Variants in ZDHHC11B observed in about 807,000 individuals in gnomAD.
ZDHHC11B encodes the protein probable palmitoyltransferase ZDHHC11B.
ZDHHC11B carries 17 observed loss-of-function variants against 42.3 expected under a neutral mutation model. The observed-to-expected ratio is 0.40, with a 90% CI of 0.27 to 0.60. ZDHHC11B has a LOEUF of 0.60. ZDHHC11B is among the 20% of genes least tolerant of loss of function. ZDHHC11B has a pLI of 0.41. For synonymous variants in ZDHHC11B, 123 were observed against 193.5 expected, an observed-to-expected ratio of 0.64 and a Z score of 3.02; for missense variants, 262 against 463.2, an observed-to-expected ratio of 0.57 and a Z score of 3.99.
At chr5:774,543 C>T (rs1446478466) in intron 1 of ZDHHC11B, among the ~76,000 whole-genome samples, 5 of 152,192 alleles carry the variant, frequency 3.3e-5, no homozygotes, top group Admixed American at 2.6e-4. Flanking sequence ...GGGGTCTGCC[C>T]CTTGAGCCTG....
At position 733,839 on chromosome 5, in the gene ZDHHC11B, T is replaced by C. The variant is rs1743277160; in HGVS notation, c.936A>G (p.Gly312=). 6.2e-7 allele frequency: 1 copy of C among 1,606,174 alleles called. No homozygotes were observed. The highest frequency in any genetic ancestry group is 8.5e-7 in the Non-Finnish European group (1 of 1,177,786). ...GAGALGSSAQ[G]VKAKSSLLIY... Reference sequence around the variant, plus strand: ...TCAGCAGGGAGCTCTTGGCCTTGACTCTGGTGGGACAGGAAGGAGGAGAGA... The same window carrying C: ...TCAGCAGGGAGCTCTTGGCCTTGACCCTGGTGGGACAGGAAGGAGGAGAGA... Residue 312 remains glycine (G), a splice_region_variant and synonymous_variant, in exon 11 of 14, where the codon GGA becomes GGG. Coordinates refer to ENST00000508859, the MANE Select transcript of ZDHHC11B (RefSeq NM_001351303.2).
intron 1 of ZDHHC11B, among the ~76,000 whole-genome samples, chr5:775,969 G>C (rs1470430533): frequency 7.0e-6 from 1 of 143,210 alleles, no homozygotes; most frequent in Non-Finnish European, 1.5e-5. Context: ...AGGAACCCCT[G>C]GGGGTCCCTG....
chr5:776,445 C>T (rs770632009), intron 1 of ZDHHC11B, among the ~76,000 whole-genome samples: 1 of 151,878 alleles, frequency 6.6e-6, no homozygotes, highest in African/African-American at 2.4e-5. Context: ...AATGGCACAG[C>T]CCCAAGGGAG....
At chr5:754,646 C>T (rs1386416160) in intron 6 of ZDHHC11B, among the ~76,000 whole-genome samples, 2 of 123,306 alleles carry the variant, frequency 1.6e-5, no homozygotes, top group African/African-American at 5.4e-5. Flanking sequence ...ACTGCCCTTC[C>T]GTGGCCCCAC....
chr5:750,429 C>T (rs2335287), intron 7 of ZDHHC11B, among the ~76,000 whole-genome samples: 1 of 138,690 alleles, frequency 7.2e-6, no homozygotes, highest in African/African-American at 2.6e-5. Context: ...TCACGAGGCC[C>T]CCTCCCCTCT....
Position 710,613 on chromosome 5 carries a change from AGTACTGGGCTCCCATTTCC to A in ZDHHC11B, c.*1658_*1676del. On this transcript the variant is annotated 3_prime_UTR_variant, in exon 14 of 14. Coordinates refer to ENST00000508859, the MANE Select transcript of ZDHHC11B (RefSeq NM_001351303.2). Reference sequence around the variant, plus strand: ...ACAGTACTGTGTGCTCCCATTTCTCAGTACTGGGCTCCCATTTCCCAGTACTGTGCTCCCATTTCTCAGT... The same window carrying A: ...ACAGTACTGTGTGCTCCCATTTCTCACAGTACTGTGCTCCCATTTCTCAGT... The A allele has an allele frequency of 6.5e-6, 1 of 154,308 alleles. No individual in the cohort carries two copies. Among genetic ancestry groups the A allele is most frequent in the East Asian group, 1.9e-4 (1 of 5,240 alleles). 9.6% of individuals were successfully genotyped at this position (154,308 alleles called of 1,614,324 possible).
At chr5:713,806 T>A (rs113433559) in intron 13 of ZDHHC11B, among the ~76,000 whole-genome samples, 63 of 151,176 alleles carry the variant, frequency 4.2e-4, no homozygotes, top group Non-Finnish European at 7.1e-4. Context: ...GTGAGTTGCT[T>A]CTAGTTTGCC....
chr5:719,801 T>G (rs1176179670), intron 12 of ZDHHC11B, among the ~76,000 whole-genome samples: 3 of 151,708 alleles, frequency 2.0e-5, no homozygotes, highest in Non-Finnish European at 4.4e-5. Flanking sequence ...GCACTTTCAG[T>G]TACCTCTGGG....
intron 12 of ZDHHC11B, among the ~76,000 whole-genome samples, chr5:729,207 G>A (rs1366388): frequency 0.22 from 32,150 of 147,092 alleles, 2,728 homozygotes; most frequent in Middle Eastern, 0.31. Flanking sequence ...TTCCCAGCAC[G>A]AGCAGCCTCC....
rs1159521845 is a variant in ZDHHC11B at position 745,283 on chromosome 5, G to C, written c.800C>G (p.Thr267Ser). The C allele has an allele frequency of 7.5e-6, 12 of 1,608,384 alleles. No individual in the cohort carries two copies. Among genetic ancestry groups the C allele is most frequent in the Non-Finnish European group, 1.0e-5 (12 of 1,177,494 alleles). Residue 267 changes from threonine to serine, a missense_variant, in exon 9 of 14, where the codon ACC becomes AGC. By Grantham distance (58) the Thr-to-Ser change is moderately conservative. This residue lies in a region of ZDHHC11B where 57 missense variants were observed against 103.3 expected (regional missense o/e 0.55). Transcript: ENST00000508859. ...GGTATTAATGAGATACTCAAAGGTGGTCATCTTCTTGGCCTCTGGAAAGGG... is the reference window on the plus strand; with the variant it reads ...GGTATTAATGAGATACTCAAAGGTGCTCATCTTCTTGGCCTCTGGAAAGGG... ...FHIYLKAKKM[T>S]TFEYLINTRK...
At chr5:769,439 AT>A (rs1735782238) in intron 1 of ZDHHC11B, among the ~76,000 whole-genome samples, 2 of 149,314 alleles carry the variant, frequency 1.3e-5, no homozygotes, top group Admixed American at 1.3e-4. Context: ...CTTTAGGAAA[AT>A]AAGCTGAAGA....
At chr5:727,485 AT>A in intron 12 of ZDHHC11B, among the ~76,000 whole-genome samples, 1 of 145,422 alleles carries the variant, frequency 6.9e-6, no homozygotes, top group Non-Finnish European at 1.5e-5. Flanking sequence ...ATATGAAAAA[AT>A]TAAAGTTTAA....
chr5:769,539 T>G (rs406407), intron 1 of ZDHHC11B, among the ~76,000 whole-genome samples: 1 of 151,610 alleles, frequency 6.6e-6, no homozygotes, highest in Non-Finnish European at 1.5e-5. Flanking sequence ...CCAGCAGGCA[T>G]GCGGGTGAGA....
chr5:712,393 G>T (rs1741436804), intron 13 of ZDHHC11B, 111 bp from the exon 14 acceptor site: 2 of 148,114 alleles, frequency 1.4e-5, no homozygotes, highest in Non-Finnish European at 3.0e-5. Context: ...GCCTGGAGAG[G>T]CAGGGCTGGT....
chr5:774,366 C>T (rs1358635849), intron 1 of ZDHHC11B, among the ~76,000 whole-genome samples: 3 of 152,198 alleles, frequency 2.0e-5, no homozygotes, highest in African/African-American at 4.8e-5. Flanking sequence ...CATCAGTAAG[C>T]GGGGCCAGGC....
intron 4 of ZDHHC11B, among the ~76,000 whole-genome samples, chr5:763,984 A>G (rs1734957212): frequency 6.6e-6 from 1 of 151,876 alleles, no homozygotes. Context: ...CTCTACCTCT[A>G]TAAACTGAAA....
intron 1 of ZDHHC11B, among the ~76,000 whole-genome samples, chr5:778,603 G>A (rs1198426213): frequency 1.4e-4 from 21 of 152,058 alleles, no homozygotes; most frequent in Non-Finnish European, 2.8e-4. Context: ...TCAGGGTCCA[G>A]GGCACCTGCA....
At chr5:757,283 T>G (rs2652410) in intron 4 of ZDHHC11B, among the ~76,000 whole-genome samples, 151,827 of 151,974 alleles carry the variant, frequency 1, 75,841 homozygotes, top group Middle Eastern at 1. Flanking sequence ...CCGGCCTGTG[T>G]CGCACAGCGC....
At position 766,791 on chromosome 5, in the gene ZDHHC11B, C is replaced by T. The variant is rs1193479692; in HGVS notation, c.129G>A (p.Val43=). The T allele has an allele frequency of 7.4e-6, 12 of 1,612,530 alleles. No homozygotes were observed. Among genetic ancestry groups the T allele is most frequent in the African/African-American group, 1.3e-5 (1 of 74,784 alleles). ...GGCCAACGAAGACAGCCCAAGTCAC[C>T]ACCCGGAAGTAGTGCAGGGGTAACG... The part of the protein sequence containing the change: ...GWSLPLHYFR[V]VTWAVFVGLS... Residue 43 remains valine, a synonymous_variant, in exon 4 of 14, where the codon GTG becomes GTA. Coordinates refer to ENST00000508859, the MANE Select transcript of ZDHHC11B (RefSeq NM_001351303.2).
Sources: gnomAD v4.1 joint callset for allele counts (sites outside exome capture counted in the v4.1 genomes callset) on GRCh38, gnomAD v4.1.1 for gene constraint, gnomAD v4.1.1 regional missense constraint, MANE v1.5 for transcripts, NCBI Gene and HGNC (gene_info 2026-07-23, HGNC 2026-07-21) for gene names.